Variants in MOXD1 observed in about 807,000 individuals in gnomAD.
MOXD1 encodes monooxygenase DBH like 1, also known as DBH-like monooxygenase protein 1.
MOXD1 carries 62 observed loss-of-function variants against 66.6 expected under a neutral mutation model. The observed-to-expected ratio is 0.93, with a 90% confidence interval of 0.76 to 1.15. The LOEUF (loss-of-function observed/expected upper bound fraction) is 1.15. MOXD1 is among the 50% of genes most tolerant of loss of function. MOXD1 has a pLI of 0.00. For synonymous variants in MOXD1, 303 were observed against 281.9 expected, an observed-to-expected ratio of 1.07 and a Z score of -0.75; for missense variants, 847 against 754.6, an observed-to-expected ratio of 1.12 and a Z score of -1.44.
intron 4 of MOXD1, among the ~76,000 whole-genome samples, chr6:132,357,950 G>A (rs963498206): frequency 6.6e-6 from 1 of 152,074 alleles, no homozygotes; most frequent in African/African-American, 2.4e-5. Flanking sequence ...CAAACAGAAG[G>A]TTTAGACTGT....
chr6:132,392,802 A>G (rs1776794578), intron 1 of MOXD1, among the ~76,000 whole-genome samples: 2 of 152,216 alleles, frequency 1.3e-5, no homozygotes, highest in African/African-American at 2.4e-5. Context: ...TTTCTTTCCC[A>G]TCTTGATCAT....
In MOXD1 at chr6:132,322,232, A is replaced by G. The variant is rs533957780; in HGVS notation, c.1305+447T>C. On this transcript the variant is annotated intron_variant, in intron 8 of 11. Transcript: ENST00000367963. ...GCATAGTTTAATTAGCTATATTCAC[A>G]TAGCTTTATCAGATAAAAGAATTAT... Among the ~76,000 whole-genome samples the G allele has an allele frequency of 1.4e-4, 21 of 152,338 alleles. No individual in the cohort carries two copies. The East Asian group carries it at 3.9e-3, about 28-fold the overall frequency.
intron 6 of MOXD1, among the ~76,000 whole-genome samples, chr6:132,326,731 T>G (rs1775195930): frequency 6.6e-6 from 1 of 152,284 alleles, no homozygotes; most frequent in African/African-American, 2.4e-5. Flanking sequence ...TGGGATATAA[T>G]TGGTGGGTGG....
At chr6:132,304,757 C>T (rs1774648597) in intron 10 of MOXD1, among the ~76,000 whole-genome samples, 1 of 152,064 alleles carries the variant, frequency 6.6e-6, no homozygotes, top group Admixed American at 6.5e-5. Context: ...GGCTCAGTAT[C>T]ATTAGTCACA....
intron 1 of MOXD1, among the ~76,000 whole-genome samples, chr6:132,387,095 A>G (rs1240560359): frequency 1.3e-5 from 2 of 151,294 alleles, no homozygotes; most frequent in African/African-American, 4.8e-5. Context: ...CAGTTTATCC[A>G]TATGTCCATT....
intron 4 of MOXD1, among the ~76,000 whole-genome samples, chr6:132,329,866 C>T (rs1775279499): frequency 6.6e-6 from 1 of 152,072 alleles, no homozygotes; most frequent in South Asian, 2.1e-4. Context: ...AGAAAAAAAA[C>T]ATTGTTAGCT....
chr6:132,327,788 C>A (rs760413620), intron 6 of MOXD1, among the ~76,000 whole-genome samples: 4 of 152,054 alleles, frequency 2.6e-5, no homozygotes, highest in African/African-American at 7.2e-5. Context: ...TTAGTGACTG[C>A]GTGTGCTCAT....
chr6:132,383,100 G>T (rs1474548004), intron 1 of MOXD1, among the ~76,000 whole-genome samples: 1 of 152,144 alleles, frequency 6.6e-6, no homozygotes, highest in Non-Finnish European at 1.5e-5. Flanking sequence ...TCTTCAACAG[G>T]TGCTTGTAGT....
chr6:132,367,835 TAAATGG>T (rs1776177804), intron 4 of MOXD1, among the ~76,000 whole-genome samples: 1 of 151,988 alleles, frequency 6.6e-6, no homozygotes, highest in Non-Finnish European at 1.5e-5. Flanking sequence ...ACATGACTAA[TAAATGG>T]AAAGAAGGAA....
At position 132,401,193 on chromosome 6, in the gene MOXD1, G is replaced by A; in HGVS notation, c.234C>T (p.Gly78=). ...GAMASADIVV[G]GVAHGRPYLQ... Reference sequence around the variant, plus strand: ...GGTAGGGCCGCCCGTGGGCCACCCCGCCCACGACGATGTCGGCGGACGCCA... The same window carrying A: ...GGTAGGGCCGCCCGTGGGCCACCCCACCCACGACGATGTCGGCGGACGCCA... The change falls in exon 1 of 12, where the codon GGC becomes GGT. Residue 78 remains glycine (G), a synonymous_variant. Coordinates refer to ENST00000367963, the MANE Select transcript of MOXD1 (RefSeq NM_015529.4). 1 of 1,547,408 alleles carries A rather than the reference G, an allele frequency of 6.5e-7. No individual in the cohort carries two copies. The highest frequency in any genetic ancestry group is 8.7e-7 in the Non-Finnish European group (1 of 1,154,632).
intron 7 of MOXD1, among the ~76,000 whole-genome samples, chr6:132,323,084 A>G (rs1037649033): frequency 1.3e-5 from 2 of 152,208 alleles, no homozygotes; most frequent in Non-Finnish European, 2.9e-5. Flanking sequence ...GATGCTTATA[A>G]GGGGCCTCCC....
chr6:132,367,860 T>C (rs1459534357), intron 4 of MOXD1, among the ~76,000 whole-genome samples: 1 of 152,052 alleles, frequency 6.6e-6, no homozygotes, highest in Non-Finnish European at 1.5e-5. Context: ...AATTCAAACC[T>C]GAACTATCCA....
At chr6:132,332,349 C>T (rs540970063) in intron 4 of MOXD1, among the ~76,000 whole-genome samples, 148 of 151,588 alleles carry the variant, frequency 9.8e-4, no homozygotes, top group Middle Eastern at 3.4e-3. Flanking sequence ...AAGAAGCAAG[C>T]CCTTGGCAAA....
intron 1 of MOXD1, among the ~76,000 whole-genome samples, chr6:132,376,315 C>T (rs1167993038): frequency 1.3e-5 from 2 of 152,090 alleles, no homozygotes; most frequent in African/African-American, 4.8e-5. Flanking sequence ...CTATAAAAGT[C>T]ATACTCAAAT....
intron 1 of MOXD1, among the ~76,000 whole-genome samples, chr6:132,383,943 G>A (rs1008326425): frequency 6.6e-6 from 1 of 151,984 alleles, no homozygotes; most frequent in Non-Finnish European, 1.5e-5. Context: ...GGTGGCTGGC[G>A]CCTGTAATCC....
At chr6:132,386,359 G>T (rs565694322) in intron 1 of MOXD1, among the ~76,000 whole-genome samples, 29 of 147,590 alleles carry the variant, frequency 2.0e-4, no homozygotes, top group African/African-American at 7.0e-4. Flanking sequence ...CCGAGATCGC[G>T]CCACTGCACT....
chr6:132,343,547 C>T (rs1192814579), intron 4 of MOXD1, among the ~76,000 whole-genome samples: 1 of 151,992 alleles, frequency 6.6e-6, no homozygotes, highest in East Asian at 1.9e-4. Context: ...TGCACTCCAG[C>T]CTGGTCAACA....
intron 1 of MOXD1, among the ~76,000 whole-genome samples, chr6:132,400,838 C>G (rs1777006659): frequency 6.6e-6 from 1 of 152,230 alleles, no homozygotes; most frequent in African/African-American, 2.4e-5. Context: ...GGTCCTTCTC[C>G]CTTCCCATCA....
At chr6:132,318,676 T>C (rs1775008573) in intron 9 of MOXD1, among the ~76,000 whole-genome samples, 1 of 152,106 alleles carries the variant, frequency 6.6e-6, no homozygotes, top group African/African-American at 2.4e-5. Flanking sequence ...CGTAGTCAAA[T>C]TTGTTAATCT....
Sources: gnomAD v4.1 joint callset for allele counts (sites outside exome capture counted in the v4.1 genomes callset) on GRCh38, gnomAD v4.1.1 for gene constraint, MANE v1.5 for transcripts, NCBI Gene and HGNC (gene_info 2026-07-23, HGNC 2026-07-21) for gene names.